Variants in HSF5 observed in about 807,000 individuals in gnomAD.
HSF5 encodes the protein heat shock transcription factor 5.
HSF5 carries 5 observed loss-of-function variants against 50.8 expected under a neutral mutation model. The ratio of observed to expected loss-of-function variants is 0.10; its 90% CI spans 0.05 to 0.21. HSF5 has a LOEUF of 0.21. Among genes scored for constraint, HSF5 ranks in the 10% least tolerant of loss-of-function variants. HSF5 has a pLI of 1.00. For missense variants in HSF5, 564 were observed against 762.6 expected, an observed-to-expected ratio of 0.74 and a Z score of 3.07; for synonymous variants, 307 against 307.4, an observed-to-expected ratio of 1.00 and a Z score of 0.02.
chr17:58,468,270 T>A (rs1309208144), intron 2 of HSF5, among the ~76,000 whole-genome samples: 4 of 152,020 alleles, frequency 2.6e-5, no homozygotes, highest in African/African-American at 7.2e-5. Flanking sequence ...TGGCGGCACA[T>A]GTTTGTAGTC....
intron 5 of HSF5, among the ~76,000 whole-genome samples, chr17:58,456,825 T>C (rs1044096985): frequency 4.6e-5 from 7 of 152,216 alleles, no homozygotes; most frequent in Non-Finnish European, 1.0e-4. Context: ...TTAGCAATAT[T>C]AGTTTATATG....
intron 5 of HSF5, among the ~76,000 whole-genome samples, chr17:58,451,871 C>T (rs532411661): frequency 3.9e-5 from 5 of 126,992 alleles, no homozygotes; most frequent in African/African-American, 1.5e-4. Flanking sequence ...GTTTAAAAAA[C>T]AATATAAAAG....
At chr17:58,445,981 C>CA (rs1054533423) in intron 5 of HSF5, among the ~76,000 whole-genome samples, 1 of 151,638 alleles carries the variant, frequency 6.6e-6, no homozygotes, top group African/African-American at 2.4e-5. Context: ...ATTAAAAATA[C>CA]AAAAAAATTA....
chr17:58,459,031 T>C (rs1193607041), intron 4 of HSF5, 86 bp from the exon 5 acceptor site: 5 of 1,192,280 alleles, frequency 4.2e-6, no homozygotes, highest in Admixed American at 2.2e-5. Context: ...AGTTCTATTA[T>C]GGGAACATGA....
At chr17:58,433,058 G>A (rs1303821493) in intron 5 of HSF5, among the ~76,000 whole-genome samples, 1 of 152,126 alleles carries the variant, frequency 6.6e-6, no homozygotes, top group Non-Finnish European at 1.5e-5. Context: ...CTGTTGCCCA[G>A]GCTGGAGTGC....
At chr17:58,428,205 T>A (rs1205079327) in intron 5 of HSF5, among the ~76,000 whole-genome samples, 1 of 152,226 alleles carries the variant, frequency 6.6e-6, no homozygotes, top group Non-Finnish European at 1.5e-5. Context: ...TAGCACACGC[T>A]ATGGGTACAA....
chr17:58,462,740 G>A, intron 4 of HSF5, 42 bp downstream of exon 4: 1 of 1,529,888 alleles, frequency 6.5e-7, no homozygotes, highest in Non-Finnish European at 8.8e-7. Flanking sequence ...GAAGTACTAG[G>A]TACTTTGAGC....
rs997938913 is a variant in HSF5 at position 58,421,164 on chromosome 17, A to T, written c.*1196T>A. 6.6e-6 allele frequency: 1 copy of T among 152,570 alleles called. No individual in the cohort carries two copies. Among genetic ancestry groups the T allele is most frequent in the Non-Finnish European group, 1.5e-5 (1 of 68,034 alleles). The allele number at this position is 152,570 out of a possible 1,614,324, so 9.5% of individuals were successfully genotyped here. On this transcript the variant is annotated 3_prime_UTR_variant, in exon 6 of 6. Transcript: ENST00000323777. ...ACCACAGAAACTGGACATCCAAGAC[A>T]TCCTTCTCTCCTAAAACACAGTCCC...
At chr17:58,463,504 G>A (rs1179057441) in intron 3 of HSF5, among the ~76,000 whole-genome samples, 1 of 152,086 alleles carries the variant, frequency 6.6e-6, no homozygotes, top group East Asian at 1.9e-4. Flanking sequence ...TATACTACAT[G>A]TCAACCACTC....
rs145570927 is a variant in HSF5, at chr17:58,426,973, C to T, written c.1721-4543G>A. ...TCTCTTATGAAAAAAAAATGTTGGC[C>T]AGGTGCGGTGGCTCACACCTAGAGT... On this transcript the variant is annotated intron_variant, in intron 5 of 5. Transcript: ENST00000323777. Among the ~76,000 whole-genome samples the T allele has an allele frequency of 1.0e-3, 159 of 152,152 alleles. 1 individual carries two copies. Among genetic ancestry groups the T allele is most frequent in the African/African-American group, 3.7e-3 (154 of 41,496 alleles).
chr17:58,422,320 G>A lies in HSF5; in HGVS notation c.*40C>T, dbSNP rs532088773. On this transcript the variant is annotated 3_prime_UTR_variant, in exon 6 of 6. Transcript: ENST00000323777. ...CATGTGCAAGGCTAGTCTGCCTCCA[G>A]CTACAGCTAGTGCACAATGTCACAT... is the stretch of plus-strand genomic sequence containing the variant. The A allele has an allele frequency of 6.9e-7, 1 of 1,449,052 alleles. No homozygotes were observed. The highest frequency in any genetic ancestry group is 9.7e-7 in the Non-Finnish European group (1 of 1,031,712). 89.8% of individuals were successfully genotyped at this position (1,449,052 alleles called of 1,614,324 possible).
chr17:58,463,370 A>G, intron 3 of HSF5, 67 bp from the exon 4 acceptor site: 1 of 1,305,442 alleles, frequency 7.7e-7, no homozygotes, highest in Non-Finnish European at 1.1e-6. Context: ...GGAAAGCTAC[A>G]ATATTTAGGC....
rs761093028 is a variant in HSF5 at position 58,458,916 on chromosome 17, A to G, written c.1572T>C (p.Ser524=). The G allele has an allele frequency of 2.5e-6, 4 of 1,613,302 alleles. No homozygotes were observed. Among genetic ancestry groups the G allele is most frequent in the Non-Finnish European group, 3.4e-6 (4 of 1,179,798 alleles). The change falls in exon 5 of 6, where the codon AGT becomes AGC. Residue 524 remains serine, a synonymous_variant. Coordinates refer to ENST00000323777, the MANE Select transcript of HSF5 (RefSeq NM_001080439.3). ...CTGACGGCAAGATATTCTCACGTGA[A>G]CTGGTCTGGCATTTTATGTTGGCAT... ...QVDANIKCQT[S]SRENILPSEQ...
At position 58,463,220 on chromosome 17, in the gene HSF5, T is replaced by C; in HGVS notation, c.1104A>G (p.Thr368=). ...GAAAGACAGCCTCTAGGTTTACTTCTGTCTTTGTATTTTCATCAGTAGTAC... is the reference window on the plus strand; with the variant it reads ...GAAAGACAGCCTCTAGGTTTACTTCCGTCTTTGTATTTTCATCAGTAGTAC... The part of the protein sequence containing the change: ...PCSTTDENTK[T]EVNLEAVFQI... Residue 368 remains threonine, a synonymous_variant, in exon 4 of 6, where the codon ACA becomes ACG. Transcript: ENST00000323777. The C allele has an allele frequency of 1.2e-6, 2 of 1,614,194 alleles. No individual in the cohort carries two copies. Among genetic ancestry groups the C allele is most frequent in the Non-Finnish European group, 1.7e-6 (2 of 1,180,008 alleles).
intron 4 of HSF5, among the ~76,000 whole-genome samples, chr17:58,461,622 A>C (rs943727576): frequency 2.0e-5 from 3 of 152,270 alleles, no homozygotes; most frequent in South Asian, 4.1e-4. Context: ...CTGTAATCCC[A>C]GCACTGTGGG....
intron 1 of HSF5, among the ~76,000 whole-genome samples, chr17:58,486,902 CTTTTT>C (rs11351236): frequency 1.3e-5 from 1 of 79,918 alleles, no homozygotes; most frequent in Admixed American, 1.5e-4. Flanking sequence ...TAAGTTCTCT[CTTTTT>C]TTTTTTTTTT....
chr17:58,471,363 G>A (rs1974941188), intron 2 of HSF5, among the ~76,000 whole-genome samples: 1 of 152,156 alleles, frequency 6.6e-6, no homozygotes, highest in South Asian at 2.1e-4. Context: ...AAGCAATACA[G>A]ACTGCCTGAG....
chr17:58,457,665 T>G (rs888897229), intron 5 of HSF5, among the ~76,000 whole-genome samples: 13 of 152,192 alleles, frequency 8.5e-5, no homozygotes, highest in African/African-American at 2.9e-4. Flanking sequence ...AAGCCTAAAT[T>G]TCCTGATGTT....
chr17:58,482,109 A>AAATC (rs1598203872), intron 1 of HSF5, among the ~76,000 whole-genome samples: 1 of 45,202 alleles, frequency 2.2e-5, no homozygotes, highest in East Asian at 0.015. Flanking sequence ...TATCTCTTAA[A>AAATC]AATAAATAAA....
Sources: allele counts gnomAD v4.1 joint callset (sites outside exome capture counted in the v4.1 genomes callset), GRCh38; gene constraint gnomAD v4.1.1; transcripts MANE v1.5; gene names NCBI Gene and HGNC (gene_info 2026-07-23, HGNC 2026-07-21).